COA6: variants seen among roughly 807,000 people sequenced by gnomAD.
COA6 encodes cytochrome c oxidase assembly factor 6.
In COA6, 12 loss-of-function variants were observed where a neutral mutation model predicts 17.1. That is an observed-to-expected ratio of 0.70 (90% CI 0.45 to 1.14). The LOEUF is 1.14. Ranked by LOEUF, COA6 falls within the 50% of genes most tolerant of loss-of-function variation. The probability of loss-of-function intolerance (pLI) is 0.00; values close to 1 mark genes in which losing one functional copy is unlikely to be tolerated. For synonymous variants in COA6, 90 were observed against 73.4 expected (o/e 1.23, Z -1.16); for missense variants, 246 against 196.5 (o/e 1.25, Z -1.51).
chr1:234,377,657 C>G (rs1658848682), intron 2 of COA6, among the ~76,000 whole-genome samples: 1 of 152,240 alleles, frequency 6.6e-6, no homozygotes. Context: ...CACTCTGATC[C>G]TTCTGGAAGC....
intron 1 of COA6, 135 bp from the exon 2 acceptor site, chr1:234,374,095 G>GGTTTT: frequency 1.9e-6 from 2 of 1,080,410 alleles, no homozygotes; most frequent in Non-Finnish European, 2.6e-6. Context: ...CCCTAAGCAT[G>GGTTTT]GTTTTGTTTT....
intron 2 of COA6, among the ~76,000 whole-genome samples, chr1:234,376,092 T>A (rs1189154171): frequency 6.6e-6 from 1 of 152,210 alleles, no homozygotes; most frequent in East Asian, 1.9e-4. Flanking sequence ...TATGATTGAA[T>A]TAGATAATGA....
At chr1:234,383,582 A>ACACG (rs1290535994) in intron 2 of COA6, 141 bp from the exon 3 acceptor site, 3 of 568,694 alleles carry the variant, frequency 5.3e-6, no homozygotes, top group Non-Finnish European at 6.3e-6. Flanking sequence ...TGACACACAC[A>ACACG]CACACACACA....
intron 2 of COA6, 144 bp from the exon 3 acceptor site, chr1:234,383,578 AC>A: frequency 1.8e-6 from 1 of 547,728 alleles, no homozygotes; most frequent in Non-Finnish European, 3.3e-6. Context: ...CAGCTGACAC[AC>A]ACACACACAC....
At chr1:234,375,480 TG>T in intron 2 of COA6, among the ~76,000 whole-genome samples, 1 of 152,160 alleles carries the variant, frequency 6.6e-6, no homozygotes, top group East Asian at 1.9e-4. Context: ...AAATATACCA[TG>T]TAGTTGGAAA....
chr1:234,380,925 G>C (rs1558126095), intron 2 of COA6, among the ~76,000 whole-genome samples: 1 of 152,158 alleles, frequency 6.6e-6, no homozygotes, highest in Admixed American at 6.5e-5. Flanking sequence ...ACTGGAACCT[G>C]GTAAGCAGAG....
Position 234,373,658 on chromosome 1 carries a change from C to T in COA6, c.192C>T (p.Ala64=), listed in dbSNP as rs1214878366. 6.2e-7 allele frequency: 1 copy of T among 1,612,870 alleles called. No homozygotes were observed. The highest frequency in any genetic ancestry group is 2.2e-5 in the East Asian group (1 of 44,872). Residue 64 remains alanine, a synonymous_variant, in exon 1 of 3, where the codon GCC becomes GCT. Transcript: ENST00000366615. ...TVSSRRHRKE[A]GRGRAESFIA... is the part of the protein sequence containing the mutation. ...CCTCCCGTCGACATCGAAAGGAAGC[C>T]GGACGTGGGCGGGCAGAGAGGTCGG...
Position 234,384,412 on chromosome 1 carries a change from A to G in COA6, c.*594A>G, listed in dbSNP as rs1034920827. Reference sequence around the variant, plus strand: ...GCTCTACTCACATATAATAAATACTATCTTATAGAATGTACCAATGGATGC... The same window carrying G: ...GCTCTACTCACATATAATAAATACTGTCTTATAGAATGTACCAATGGATGC... On this transcript the variant is annotated 3_prime_UTR_variant, in exon 3 of 3. Transcript: ENST00000366615. 2.0e-5 allele frequency among the ~76,000 whole-genome samples: 3 copies of G among 152,282 alleles called. No individual in the cohort carries two copies. Among genetic ancestry groups the G allele is most frequent in the South Asian group, 2.1e-4 (1 of 4,826 alleles).
At chr1:234,374,191 A>C in intron 1 of COA6, 39 bp from the exon 2 acceptor site, 1 of 1,573,408 alleles carries the variant, frequency 6.4e-7, no homozygotes, top group South Asian at 1.1e-5. Flanking sequence ...TCAGATTACA[A>C]AGTTCATTGT....
rs185818900 is a variant in COA6 at position 234,373,551 on chromosome 1, C to A, written c.85C>A (p.Leu29Ile). The change falls in exon 1 of 3, where the codon CTT (leucine) becomes ATT (isoleucine). Residue 29 changes from leucine to isoleucine, a missense_variant. Transcript: ENST00000366615. ...GCTGGGGAGGTCTACGCTTCTAGAG[C>A]TTGAGCCAGCGGGGCGACCCTGCAG... ...LRLGRSTLLELEPAGRPCSGR... is the reference protein window; with the variant it reads ...LRLGRSTLLEIEPAGRPCSGR... 5.6e-6 allele frequency: 9 copies of A among 1,611,852 alleles called. No individual in the cohort carries two copies. In the South Asian group the frequency reaches 9.9e-5, roughly 18 times the overall value.
intron 1 of COA6, 115 bp downstream of exon 1, chr1:234,373,793 C>T (rs1470961020): frequency 6.2e-7 from 1 of 1,613,742 alleles, no homozygotes. Context: ...ACTCCAATCG[C>T]CTGCTTGGTG....
Position 234,380,062 on chromosome 1 carries a change from G to C in COA6, c.373-3661G>C, listed in dbSNP as rs532319981. 2.0e-5 allele frequency among the ~76,000 whole-genome samples: 3 copies of C among 152,264 alleles called. No individual in the cohort carries two copies. In the East Asian group the frequency reaches 5.8e-4, roughly 29 times the overall value. On this transcript the variant is annotated intron_variant, in intron 2 of 2. Transcript: ENST00000366615. ...CTGCAGCATTTGACAGTGATAGCCCGTTTCCCATTTGCACCCATTTTCTTC... is the reference window on the plus strand; with the variant it reads ...CTGCAGCATTTGACAGTGATAGCCCCTTTCCCATTTGCACCCATTTTCTTC...
chr1:234,373,883 T>C (rs1658695793), intron 1 of COA6: 1 of 1,595,362 alleles, frequency 6.3e-7, no homozygotes. Flanking sequence ...CTGTCCCCGC[T>C]TTACTGGTGG....
In COA6 at chr1:234,384,599, A is replaced by ATACT. The variant is rs779758142; in HGVS notation, c.*784_*787dup. ...AATAGCACCAAAAAAAATTAAAGGA[A>ATACT]TACTTAGGTATAAATCTAATATATG... is the stretch of plus-strand genomic sequence containing the variant. On this transcript the variant is annotated 3_prime_UTR_variant, in exon 3 of 3. Coordinates refer to ENST00000366615, the MANE Select transcript of COA6 (RefSeq NM_001206641.3). Among the ~76,000 whole-genome samples, 1 of 152,222 alleles carries ATACT rather than the reference A, an allele frequency of 6.6e-6. No individual in the cohort carries two copies. The highest frequency in any genetic ancestry group is 2.4e-5 in the African/African-American group (1 of 41,446).
chr1:234,375,476 A>G (rs561954803), intron 2 of COA6, among the ~76,000 whole-genome samples: 41 of 152,266 alleles, frequency 2.7e-4, no homozygotes, highest in African/African-American at 9.6e-4. Context: ...TGCAAAATAT[A>G]CCATGTAGTT....
In COA6 at chr1:234,384,283, A is replaced by C. The variant is rs902968090; in HGVS notation, c.*465A>C. Reference sequence around the variant, plus strand: ...AAAAGCCATCTATAAAAAAGCCCATAGCTAATATCAACACTTAATGTTGGG... The same window carrying C: ...AAAAGCCATCTATAAAAAAGCCCATCGCTAATATCAACACTTAATGTTGGG... On this transcript the variant is annotated 3_prime_UTR_variant, in exon 3 of 3. Transcript: ENST00000366615. 2.0e-5 allele frequency among the ~76,000 whole-genome samples: 3 copies of C among 152,176 alleles called. No individual in the cohort carries two copies. The highest frequency in any genetic ancestry group is 7.2e-5 in the African/African-American group (3 of 41,462).
chr1:234,382,068 G>C (rs566839205), intron 2 of COA6, among the ~76,000 whole-genome samples: 10 of 152,320 alleles, frequency 6.6e-5, no homozygotes, highest in Admixed American at 2.0e-4. Flanking sequence ...ACACACCAGA[G>C]AACTGTGGGC....
intron 2 of COA6, among the ~76,000 whole-genome samples, chr1:234,383,103 A>T (rs1385856016): frequency 6.8e-6 from 1 of 148,018 alleles, no homozygotes; most frequent in African/African-American, 2.5e-5. Context: ...AAGTAAGAAA[A>T]ATGGTCCAAT....
At chr1:234,382,882 C>A (rs959035713) in intron 2 of COA6, among the ~76,000 whole-genome samples, 1 of 152,032 alleles carries the variant, frequency 6.6e-6, no homozygotes, top group Non-Finnish European at 1.5e-5. Context: ...TAGCAGATGC[C>A]TGTAATTGCA....
Sources: gnomAD v4.1 joint callset for allele counts (sites outside exome capture counted in the v4.1 genomes callset) on GRCh38, gnomAD v4.1.1 for gene constraint, MANE v1.5 for transcripts, NCBI Gene and HGNC (gene_info 2026-07-23, HGNC 2026-07-21) for gene names.